The following PALS2 variants were observed in gnomAD, a reference collection of about 807,000 sequenced individuals.
PALS2 encodes the protein protein associated with LIN7 2, MAGUK p55 family member.
In PALS2, 27 loss-of-function variants were observed where a neutral mutation model predicts 61.6. That is an observed-to-expected ratio of 0.44 (90% CI 0.32 to 0.60). The LOEUF is 0.60. Ranked by LOEUF, PALS2 falls within the 20% of genes least tolerant of loss-of-function variation. PALS2 has a pLI of 0.05. For missense variants in PALS2, 554 were observed against 639.4 expected, an observed-to-expected ratio of 0.87 and a Z score of 1.44; for synonymous variants, 236 against 218.6, an observed-to-expected ratio of 1.08 and a Z score of -0.70.
intron 5 of PALS2, among the ~76,000 whole-genome samples, chr7:24,658,580 CAG>C (rs1786545320): frequency 1.4e-5 from 2 of 142,032 alleles, no homozygotes; most frequent in African/African-American, 5.3e-5. Context: ...TTTTTTGAGA[CAG>C]AGTCTCGCTC....
intron 1 of PALS2, among the ~76,000 whole-genome samples, chr7:24,594,134 C>T (rs940775239): frequency 6.6e-5 from 10 of 152,194 alleles, no homozygotes; most frequent in East Asian, 1.9e-4. Context: ...TATGAGATGA[C>T]GTCTTTCCAT....
chr7:24,667,632 G>C (rs1416721478), intron 8 of PALS2, among the ~76,000 whole-genome samples: 2 of 147,126 alleles, frequency 1.4e-5, no homozygotes, highest in Non-Finnish European at 3.0e-5. Flanking sequence ...ATAAAACATA[G>C]AATTTTTCTA....
Position 24,635,888 on chromosome 7 carries a change from A to T in PALS2, c.118-5828A>T, listed in dbSNP as rs184729623. ...GCTACATGTTATTTTGTACATACAC[A>T]CACACACCTTTTTAGGATAGATCTG... On this transcript the variant is annotated intron_variant, in intron 2 of 11. Transcript: ENST00000222644. Among the ~76,000 whole-genome samples, 19 of 152,234 alleles carry T rather than the reference A, an allele frequency of 1.2e-4. No individual in the cohort carries two copies. The East Asian group carries it at 3.1e-3, about 25-fold the overall frequency.
At position 24,668,597 on chromosome 7, in the gene PALS2, C is replaced by T. The variant is rs1787148500; in HGVS notation, c.1051C>T (p.Arg351Ter). 5 of 1,613,678 alleles carry T rather than the reference C, an allele frequency of 3.1e-6. No individual in the cohort carries two copies. The highest frequency in any genetic ancestry group is 2.2e-5 in the East Asian group (1 of 44,860). Residue 351 changes from arginine (R) to a stop codon, truncating the protein, a stop_gained, in exon 9 of 12, where the codon CGA (arginine) becomes TGA (stop). Coordinates refer to ENST00000222644, the MANE Select transcript of PALS2 (RefSeq NM_001303037.2). LOFTEE classifies it high-confidence loss of function. ...ATTGATAGGAGCTCAAGGTGTAGGC[C>T]GAAGAAGCTTGAAAAACAGGTTCAT... The part of the protein sequence containing the change: ...LVLIGAQGVG[R>*]RSLKNRFIVL...
Position 24,693,421 on chromosome 7 carries a change from A to C in PALS2, c.*5807A>C, listed in dbSNP as rs1421570951. ...ACTAAAACAGGAAAAAAGCATACTCATCTGATGTAAAAACTCATCAGCTGT... is the reference window on the plus strand; with the variant it reads ...ACTAAAACAGGAAAAAAGCATACTCCTCTGATGTAAAAACTCATCAGCTGT... On this transcript the variant is annotated 3_prime_UTR_variant, in exon 12 of 12. Coordinates refer to ENST00000222644, the MANE Select transcript of PALS2 (RefSeq NM_001303037.2). The C allele has an allele frequency of 6.6e-6, 1 of 152,178 alleles. No individual in the cohort carries two copies. Among genetic ancestry groups the C allele is most frequent in the Non-Finnish European group, 1.5e-5 (1 of 68,010 alleles). 9.4% of individuals were successfully genotyped at this position (152,178 alleles called of 1,614,324 possible). A position where few individuals can be genotyped will look rare whatever the true frequency, so the allele number is the denominator to read the frequency against.
Position 24,605,849 on chromosome 7 carries a change from G to C in PALS2, c.-2-17817G>C, listed in dbSNP as rs142940434. 9.9e-4 allele frequency among the ~76,000 whole-genome samples: 150 copies of C among 152,148 alleles called. 1 individual carries two copies. The highest frequency in any genetic ancestry group is 1.2e-3 in the Non-Finnish European group (80 of 67,966). On this transcript the variant is annotated intron_variant, in intron 1 of 11. Transcript: ENST00000222644. ...TGTATATGGAAAGTCAACATCATGAGGATTCCTAGAAGTTTCTATACAAAT... is the reference window on the plus strand; with the variant it reads ...TGTATATGGAAAGTCAACATCATGACGATTCCTAGAAGTTTCTATACAAAT...
chr7:24,620,467 AT>A (rs548342589), intron 1 of PALS2, among the ~76,000 whole-genome samples: 22 of 152,284 alleles, frequency 1.4e-4, no homozygotes, highest in Admixed American at 2.6e-4. Context: ...AAGTTTATCC[AT>A]TTCTAGATTA....
At chr7:24,670,704 T>TTCCCAGCAG (rs1562655920) in intron 9 of PALS2, among the ~76,000 whole-genome samples, 5 of 152,174 alleles carry the variant, frequency 3.3e-5, no homozygotes, top group Non-Finnish European at 7.4e-5. Flanking sequence ...CCCACCAACT[T>TTCCCAGCAG]CCTCACCCCC....
chr7:24,606,858 G>T (rs1176301355), intron 1 of PALS2, among the ~76,000 whole-genome samples: 1 of 152,166 alleles, frequency 6.6e-6, no homozygotes, highest in Non-Finnish European at 1.5e-5. Flanking sequence ...ATAATAAGTT[G>T]TCTGGGGAGA....
chr7:24,604,514 A>G (rs1286822927), intron 1 of PALS2, among the ~76,000 whole-genome samples: 2 of 152,228 alleles, frequency 1.3e-5, no homozygotes, highest in Non-Finnish European at 2.9e-5. Context: ...ACATTCCAAC[A>G]CACATGTAAT....
intron 2 of PALS2, among the ~76,000 whole-genome samples, chr7:24,639,822 T>A (rs1484503021): frequency 1.4e-5 from 2 of 143,094 alleles, no homozygotes; most frequent in Non-Finnish European, 3.1e-5. Context: ...TAATTTTTTT[T>A]TTTTTTTTTT....
intron 2 of PALS2, 91 bp downstream of exon 2, chr7:24,623,875 G>C: frequency 9.1e-7 from 1 of 1,097,088 alleles, no homozygotes. Flanking sequence ...GAATTTGGTT[G>C]ATATACATTA....
chr7:24,587,473 G>A (rs944991219), intron 1 of PALS2, among the ~76,000 whole-genome samples: 1 of 151,654 alleles, frequency 6.6e-6, no homozygotes, highest in South Asian at 2.1e-4. Flanking sequence ...AAATTTCTGG[G>A]CTCTAGTGAT....
chr7:24,659,786 G>T (rs1051387304), intron 5 of PALS2, among the ~76,000 whole-genome samples: 1 of 152,166 alleles, frequency 6.6e-6, no homozygotes, highest in Non-Finnish European at 1.5e-5. Flanking sequence ...GCTACACAGA[G>T]AGAGGATGCA....
At chr7:24,663,563 T>C (rs1371233268) in intron 5 of PALS2, 27 bp from the exon 6 acceptor site, 1 of 1,547,874 alleles carries the variant, frequency 6.5e-7, no homozygotes, top group Non-Finnish European at 8.8e-7. Context: ...ACAACTATAG[T>C]ATTTTTAATT....
Position 24,668,533 on chromosome 7 carries a change from GGT to G in PALS2, c.988_989del (p.Val330SerfsTer35). The G allele has an allele frequency of 6.2e-7, 1 of 1,613,512 alleles. No individual in the cohort carries two copies. The highest frequency in any genetic ancestry group is 8.5e-7 in the Non-Finnish European group (1 of 1,179,672). On this transcript the variant is annotated frameshift_variant, in exon 9 of 12. Coordinates refer to ENST00000222644, the MANE Select transcript of PALS2 (RefSeq NM_001303037.2). LOFTEE classifies it high-confidence loss of function. ...DRHEIQIYEE[V>X]AKMPPFQRKT... ...GTCATGAAATCCAGATATATGAGGA[GGT>G]AGCCAAAATGCCTCCCTTCCAGAGA...
intron 1 of PALS2, among the ~76,000 whole-genome samples, chr7:24,594,166 C>T (rs568930024): frequency 6.6e-6 from 1 of 152,058 alleles, no homozygotes; most frequent in African/African-American, 2.4e-5. Context: ...ACAACCTGTG[C>T]AAGTTTCAGA....
At chr7:24,628,567 T>A (rs1784850472) in intron 2 of PALS2, among the ~76,000 whole-genome samples, 1 of 152,122 alleles carries the variant, frequency 6.6e-6, no homozygotes, top group Admixed American at 6.5e-5. Context: ...AAATTATCTC[T>A]TTTTGCAGAT....
At chr7:24,648,694 A>G (rs1785974002) in intron 3 of PALS2, among the ~76,000 whole-genome samples, 1 of 152,112 alleles carries the variant, frequency 6.6e-6, no homozygotes, top group Admixed American at 6.5e-5. Flanking sequence ...TCATGAGGTC[A>G]GGAGATCGAG....
Sources: allele counts gnomAD v4.1 joint callset (sites outside exome capture counted in the v4.1 genomes callset), GRCh38; gene constraint gnomAD v4.1.1; transcripts MANE v1.5; gene names NCBI Gene and HGNC (gene_info 2026-07-23, HGNC 2026-07-21).